ERAP1: variants seen among roughly 807,000 people sequenced by gnomAD.
ERAP1 encodes adipocyte-derived leucine aminopeptidase.
In ERAP1, 86 loss-of-function variants were observed where a neutral mutation model predicts 103.7. That is an observed-to-expected ratio of 0.83 (90% CI 0.70 to 0.99). The LOEUF (loss-of-function observed/expected upper bound fraction) is 0.99. Among genes scored for constraint, ERAP1 ranks in the 50% least tolerant of loss-of-function variants. The probability of loss-of-function intolerance (pLI) is 0.00; values close to 1 mark genes in which losing one functional copy is unlikely to be tolerated. For synonymous variants in ERAP1, 398 were observed against 402.4 expected, an observed-to-expected ratio of 0.99 and a Z score of 0.13; for missense variants, 1,009 against 1,128.4, an observed-to-expected ratio of 0.89 and a Z score of 1.52.
intron 1 of ERAP1, among the ~76,000 whole-genome samples, chr5:96,806,623 CTTTTTTTTT>C (rs75649816): frequency 9.4e-5 from 12 of 128,006 alleles, no homozygotes; most frequent in Admixed American, 2.4e-4. Context: ...CAAGATCCCT[CTTTTTTTTT>C]TTTTTTTTTT....
chr5:96,830,212 T>A, the ERAP1 span, among the ~76,000 whole-genome samples: 1 of 152,188 alleles, frequency 6.6e-6, no homozygotes, highest in Non-Finnish European at 1.5e-5. Flanking sequence ...GCAGACCAGC[T>A]TGTGGTCCCC....
the ERAP1 span, among the ~76,000 whole-genome samples, chr5:96,916,589 G>A: frequency 6.8e-5 from 10 of 147,972 alleles, no homozygotes; most frequent in East Asian, 6.2e-4. Context: ...TCAGCCTCCC[G>A]AGTAGCTGGG....
At chr5:96,766,102 C>A (rs1001758843) in intron 19 of ERAP1, 11 of 1,611,616 alleles carry the variant, frequency 6.8e-6, no homozygotes, top group Non-Finnish European at 9.3e-6. Flanking sequence ...AGAGATGACA[C>A]TATCCCACCT....
At chr5:96,926,998 A>G in the ERAP1 span, among the ~76,000 whole-genome samples, 3 of 151,936 alleles carry the variant, frequency 2.0e-5, no homozygotes, top group Non-Finnish European at 4.4e-5. Flanking sequence ...TTTATTTTTC[A>G]TAGAGACGGG....
chr5:96,785,904 A>G lies in ERAP1; in HGVS notation c.1827T>C (p.Ile609=). Reference sequence around the variant, plus strand: ...CCCATCCATCATCCTCGTAATGCACAATGTAATAGCCATTCATGCCCACAT... The same window carrying G: ...CCCATCCATCATCCTCGTAATGCACGATGTAATAGCCATTCATGCCCACAT... ...KFNVGMNGYY[I]VHYEDDGWDS... The change falls in exon 13 of 19, where the codon ATT becomes ATC. Residue 609 remains isoleucine (I), a synonymous_variant. Coordinates refer to ENST00000443439, the MANE Select transcript of ERAP1 (RefSeq NM_001040458.3). The G allele has an allele frequency of 2.5e-6, 4 of 1,614,192 alleles. No homozygotes were observed. The highest frequency in any genetic ancestry group is 3.3e-4 in the Middle Eastern group (2 of 6,062).
At chr5:96,875,505 C>T in the ERAP1 span, among the ~76,000 whole-genome samples, 586 of 149,894 alleles carry the variant, frequency 3.9e-3, 1 homozygote, top group South Asian at 4.9e-3. Flanking sequence ...CACTGCACTC[C>T]AACCTGGGTG....
chr5:96,795,206 C>T (rs760934613), intron 4 of ERAP1, 44 bp from the exon 5 acceptor site: 1 of 1,608,362 alleles, frequency 6.2e-7, no homozygotes, highest in Non-Finnish European at 8.5e-7. Context: ...TCTTAACTGG[C>T]TTCTCTCCCC....
the ERAP1 span, among the ~76,000 whole-genome samples, chr5:96,833,556 T>A: frequency 6.6e-6 from 1 of 152,198 alleles, no homozygotes; most frequent in African/African-American, 2.4e-5. Context: ...TTCTCCTATA[T>A]ACAGATCACT....
chr5:96,869,325 C>T, the ERAP1 span, among the ~76,000 whole-genome samples: 1 of 152,078 alleles, frequency 6.6e-6, no homozygotes, highest in Non-Finnish European at 1.5e-5. Context: ...ACCCATCACC[C>T]TCTACCCTCC....
At chr5:96,888,097 C>G in the ERAP1 span, among the ~76,000 whole-genome samples, 4 of 146,368 alleles carry the variant, frequency 2.7e-5, no homozygotes, top group African/African-American at 1.0e-4. Context: ...GCACTCCAGC[C>G]TGGGTGACAA....
the ERAP1 span, chr5:96,814,366 G>C: frequency 2.2e-6 from 1 of 455,512 alleles, no homozygotes; most frequent in Non-Finnish European, 4.4e-6. Context: ...GGATCATGGG[G>C]GCAACTTAGA....
the ERAP1 span, chr5:96,913,426 G>T: frequency 8.1e-6 from 13 of 1,613,990 alleles, no homozygotes; most frequent in Middle Eastern, 6.6e-4. Flanking sequence ...ATGGGATTTT[G>T]TAAGAGAAAA....
chr5:96,862,095 C>T, the ERAP1 span, among the ~76,000 whole-genome samples: 1 of 152,182 alleles, frequency 6.6e-6, no homozygotes, highest in Non-Finnish European at 1.5e-5. Flanking sequence ...ATCCTCTTGG[C>T]TCAGCCTCCC....
At chr5:96,812,518 G>A (rs2151028965), upstream of ERAP1, among the ~76,000 whole-genome samples, 1 of 152,266 alleles carries the variant, frequency 6.6e-6, no homozygotes, top group East Asian at 1.9e-4. Flanking sequence ...TATGCCTAAA[G>A]GAATGATAAA....
chr5:96,841,651 C>T, the ERAP1 span, among the ~76,000 whole-genome samples: 5 of 150,738 alleles, frequency 3.3e-5, no homozygotes, highest in Admixed American at 1.3e-4. Context: ...TTGATAAGCA[C>T]AAAGGTAACA....
At chr5:96,928,486 G>C in the ERAP1 span, among the ~76,000 whole-genome samples, 1 of 152,288 alleles carries the variant, frequency 6.6e-6, no homozygotes, top group East Asian at 1.9e-4. Context: ...AATGTCATGT[G>C]AACACTGGAG....
intron 18 of ERAP1, among the ~76,000 whole-genome samples, chr5:96,780,188 A>G (rs984913182): frequency 3.5e-4 from 54 of 152,292 alleles, no homozygotes; most frequent in African/African-American, 1.3e-3. Context: ...TTCAAGTCCT[A>G]AGGTTTTTAC....
At chr5:96,790,884 C>T (rs1252752898) in intron 8 of ERAP1, among the ~76,000 whole-genome samples, 1 of 152,188 alleles carries the variant, frequency 6.6e-6, no homozygotes, top group East Asian at 1.9e-4. Flanking sequence ...TATCAGTAGC[C>T]AGACCTCCCG....
the ERAP1 span, among the ~76,000 whole-genome samples, chr5:96,932,629 C>T: frequency 1.3e-5 from 2 of 152,132 alleles, no homozygotes; most frequent in Non-Finnish European, 2.9e-5. Flanking sequence ...AATATTCTAC[C>T]CTCTCTAGAC....
Sources: gnomAD v4.1 joint callset for allele counts (sites outside exome capture counted in the v4.1 genomes callset) on GRCh38, gnomAD v4.1.1 for gene constraint, MANE v1.5 for transcripts, NCBI Gene and HGNC (gene_info 2026-07-23, HGNC 2026-07-21) for gene names.